Variants in HEPN1 observed in about 807,000 individuals in gnomAD.
The protein encoded by HEPN1 is hepatocellular carcinoma, down-regulated 1.
For synonymous variants in HEPN1, 46 were observed against 41.2 expected (o/e 1.12, Z -0.45); for missense variants, 97 against 103.3 (o/e 0.94, Z 0.26).
Position 124,919,334 on chromosome 11 carries a change from C to T in HEPN1, c.-417C>T, listed in dbSNP as rs1020918223. The T allele has an allele frequency of 5.4e-6, 1 of 185,890 alleles. No individual in the cohort carries two copies. The highest frequency in any genetic ancestry group is 1.1e-5 in the Non-Finnish European group (1 of 95,046). 11.5% of individuals were successfully genotyped at this position (185,890 alleles called of 1,614,324 possible). ...TACAAAGATGAAGATGAAAACAACACAAAAACAAACCCCACTTCCTTACTT... is the reference window on the plus strand; with the variant it reads ...TACAAAGATGAAGATGAAAACAACATAAAAACAAACCCCACTTCCTTACTT... On this transcript the variant is annotated 5_prime_UTR_variant, in exon 1 of 1. An upstream open reading frame in the 5' UTR gains an earlier in-frame stop. Coordinates refer to ENST00000408930, the Ensembl canonical transcript of HEPN1.
exon 1 of HEPN1, chr11:124,920,590 C>G (rs1947115774): frequency 8.5e-7 from 1 of 1,173,158 alleles, no homozygotes; most frequent in African/African-American, 1.6e-5. Context: ...CAGAACAGCC[C>G]CTGCACACCC....
chr11:124,919,662 G>A lies in HEPN1; in HGVS notation c.-89G>A, dbSNP rs886047918. Reference sequence around the variant, plus strand: ...TGCCGAGGGACAGGGAGCTGAGACAGGCATGCTGTGGGGTTCAGGGCAGAG... The same window carrying A: ...TGCCGAGGGACAGGGAGCTGAGACAAGCATGCTGTGGGGTTCAGGGCAGAG... On this transcript the variant is annotated 5_prime_UTR_variant, in exon 1 of 1. Transcript: ENST00000408930. 325 of 1,446,246 alleles carry A rather than the reference G, an allele frequency of 2.2e-4. No homozygotes were observed. Among genetic ancestry groups the A allele is most frequent in the Non-Finnish European group, 2.6e-4 (271 of 1,059,974 alleles). 89.6% of individuals were successfully genotyped at this position (1,446,246 alleles called of 1,614,324 possible).
exon 1 of HEPN1, chr11:124,920,581 A>G: frequency 8.0e-7 from 1 of 1,245,732 alleles, no homozygotes; most frequent in Non-Finnish European, 1.0e-6. Context: ...CCCCCAGCTC[A>G]GAACAGCCCC....
exon 1 of HEPN1, chr11:124,919,915 C>T (rs561678478): frequency 1.9e-6 from 3 of 1,614,102 alleles, no homozygotes; most frequent in African/African-American, 1.3e-5. Flanking sequence ...TCTCTCCTCA[C>T]ACAGTAGATT....
chr11:124,919,956 G>A lies in HEPN1; in HGVS notation c.206G>A (p.Arg69Gln), dbSNP rs773009250. The A allele has an allele frequency of 1.4e-5, 23 of 1,613,680 alleles. No homozygotes were observed. In the Admixed American group the frequency reaches 1.7e-4, roughly 12 times the overall value. Residue 69 changes from arginine to glutamine, a missense_variant, in exon 1 of 1, where the codon CGG becomes CAG. Physicochemically the swap from Arg to Gln is conservative, Grantham distance 43. Transcript: ENST00000408930. ...CACTCCTATGAACTGTTCAATAGGC[G>A]GTGGCATGGGCATGTCCTGGCTACA...
chr11:124,920,159 C>T, exon 1 of HEPN1: 2 of 1,018,160 alleles, frequency 2.0e-6, no homozygotes, highest in Non-Finnish European at 2.9e-6. Context: ...CACCATTTCT[C>T]TGGAGATTAG....
chr11:124,920,677 G>GAAAAAAA (rs1565336612), downstream of HEPN1: 236 of 108,098 alleles, frequency 2.2e-3, 12 homozygotes, highest in African/African-American at 0.038. Flanking sequence ...ATCTGAACTT[G>GAAAAAAA]CAAAAAAAAA....
exon 1 of HEPN1, chr11:124,920,567 G>T: frequency 7.6e-7 from 1 of 1,313,292 alleles, no homozygotes; most frequent in Admixed American, 2.8e-5. Context: ...CCTTCACAAT[G>T]ATCCCCCCAG....
the HEPN1 span, chr11:124,919,856 G>T: frequency 1.9e-6 from 3 of 1,614,016 alleles, no homozygotes; most frequent in Admixed American, 5.0e-5. Context: ...AAGGAGGAGG[G>T]AATGGAATAC....
exon 1 of HEPN1, chr11:124,919,652 A>T (rs1176206688): frequency 7.3e-7 from 1 of 1,371,858 alleles, no homozygotes. Flanking sequence ...AGGGACAGGG[A>T]GCTGAGACAG....
chr11:124,919,917 CAGT>C (rs1565336021), exon 1 of HEPN1: 2 of 1,614,070 alleles, frequency 1.2e-6, no homozygotes, highest in Non-Finnish European at 1.7e-6. Context: ...TCTCCTCACA[CAGT>C]AGATTACTGC....
At position 124,919,488 on chromosome 11, in the gene HEPN1, A is replaced by G. The variant is rs374156953; in HGVS notation, c.-263A>G. On this transcript the variant is annotated 5_prime_UTR_variant, in exon 1 of 1. An upstream open reading frame in the 5' UTR loses its in-frame stop. Transcript: ENST00000408930. The stretch of plus-strand genomic sequence containing the variant: ...CCTTCACCTGTGCATCTCAAGGCTG[A>G]CCAGCAGGTACTCCTTATCCAAGTC... 1 of 523,134 alleles carries G rather than the reference A, an allele frequency of 1.9e-6. No homozygotes were observed. The highest frequency in any genetic ancestry group is 2.5e-5 in the South Asian group (1 of 40,264). The allele number at this position is 523,134 out of a possible 1,614,324, so 32.4% of individuals were successfully genotyped here. A position where few individuals can be genotyped will look rare whatever the true frequency, so the allele number is the denominator to read the frequency against.
chr11:124,919,600 C>A lies in HEPN1; in HGVS notation c.-151C>A. On this transcript the variant is annotated 5_prime_UTR_variant, in exon 1 of 1. The change creates a new upstream start codon in the 5' untranslated region. Transcript: ENST00000408930. ...GAGGCACCTGGGAAGTTTAGGGGAG[C>A]TGCGAAGGCACACCTGCTCAAATGA... 1 of 797,464 alleles carries A rather than the reference C, an allele frequency of 1.3e-6. No homozygotes were observed. Among genetic ancestry groups the A allele is most frequent in the Non-Finnish European group, 2.0e-6 (1 of 511,908 alleles). 49.4% of individuals were successfully genotyped at this position (797,464 alleles called of 1,614,324 possible).
chr11:124,920,349 A>C, exon 1 of HEPN1: 1 of 1,510,698 alleles, frequency 6.6e-7, no homozygotes, highest in Non-Finnish European at 9.0e-7. Context: ...TATAAGAATA[A>C]GCCCATCCAT....
exon 1 of HEPN1, chr11:124,919,632 G>A: frequency 8.6e-7 from 1 of 1,166,024 alleles, no homozygotes; most frequent in Middle Eastern, 3.0e-4. Context: ...ATGAGCCTGG[G>A]GAAGTGCCGA....
chr11:124,920,030 CCCT>C (rs1449883943), exon 1 of HEPN1: 1 of 1,607,808 alleles, frequency 6.2e-7, no homozygotes. Context: ...AGGGAGTCTG[CCCT>C]TTTTCTGTGC....
In HEPN1 at chr11:124,920,428, GGAGGCC is replaced by G. The variant is rs1947111986; in HGVS notation, c.*412_*417del. On this transcript the variant is annotated 3_prime_UTR_variant, in exon 1 of 1. Transcript: ENST00000408930. ...CATGCCTCCGAGGGAGGCTGTGGGAGGAGGCCAAGCTGGCAGGCTCGGGTTCTTTGC... is the reference window on the plus strand; with the variant it reads ...CATGCCTCCGAGGGAGGCTGTGGGAGAAGCTGGCAGGCTCGGGTTCTTTGC... The G allele has an allele frequency of 1.9e-6, 3 of 1,547,836 alleles. No homozygotes were observed. The African/African-American group carries it at 4.1e-5, about 21-fold the overall frequency.
chr11:124,920,372 T>C (rs1005454450), exon 1 of HEPN1: 2 of 1,541,598 alleles, frequency 1.3e-6, no homozygotes, highest in Non-Finnish European at 1.8e-6. Context: ...CTTTTATTCA[T>C]GAACAGAGAC....
chr11:124,920,557 C>G, exon 1 of HEPN1: 1 of 1,357,044 alleles, frequency 7.4e-7, no homozygotes, highest in Non-Finnish European at 9.7e-7. Context: ...GGGAAGAAGG[C>G]CTTCACAATG....
Sources: allele counts gnomAD v4.1 joint callset, GRCh38; gene constraint gnomAD v4.1.1; transcripts MANE v1.5; gene names NCBI Gene and HGNC (gene_info 2026-07-23, HGNC 2026-07-21).